INTS2: variants seen among roughly 807,000 people sequenced by gnomAD.
The protein encoded by INTS2 is KIAA1287.
INTS2 carries 57 observed loss-of-function variants against 139.6 expected under a neutral mutation model. That is an observed-to-expected ratio of 0.41 (90% CI 0.33 to 0.51). INTS2 has a LOEUF of 0.51. Ranked by LOEUF, INTS2 falls within the 20% of genes least tolerant of loss-of-function variation. INTS2 has a pLI of 0.28. For synonymous variants in INTS2, 473 were observed against 493.4 expected (o/e 0.96, Z 0.55); for missense variants, 1,196 against 1,436.7 (o/e 0.83, Z 2.71).
chr17:61,901,297 AT>A (rs2079402208), intron 9 of INTS2, among the ~76,000 whole-genome samples: 1 of 151,338 alleles, frequency 6.6e-6, no homozygotes, highest in Non-Finnish European at 1.5e-5. Context: ...AAATTTAAAA[AT>A]AATAATAAAT....
rs564676734 is a variant in INTS2 at position 61,907,696 on chromosome 17, G to T, written c.955-62C>A. ...GAAGCATTTACTAAACTAAAAGGGA[G>T]CTAAAACATAGCACCCCACTTAAAC... On this transcript the variant is annotated intron_variant, in intron 7 of 24. Coordinates refer to ENST00000251334, the MANE Select transcript of INTS2 (RefSeq NM_001351695.2). 2.3e-6 allele frequency: 3 copies of T among 1,331,958 alleles called. No homozygotes were observed. In the African/African-American group the frequency reaches 4.4e-5, roughly 19 times the overall value. The allele number at this position is 1,331,958 out of a possible 1,614,324, so 82.5% of individuals were successfully genotyped here. A position where few individuals can be genotyped will look rare whatever the true frequency, so the allele number is the denominator to read the frequency against.
intron 16 of INTS2, among the ~76,000 whole-genome samples, chr17:61,881,984 T>C (rs921108442): frequency 6.6e-6 from 1 of 152,218 alleles, no homozygotes; most frequent in African/African-American, 2.4e-5. Flanking sequence ...GACTATCATA[T>C]ATGGTTTGGA....
At chr17:61,926,116 T>C (rs1014624709) in intron 2 of INTS2, among the ~76,000 whole-genome samples, 20 of 152,176 alleles carry the variant, frequency 1.3e-4, no homozygotes, top group Admixed American at 1.0e-3. Context: ...CTGAAAGTAA[T>C]TGGCCTAATG....
intron 5 of INTS2, 55 bp from the exon 6 acceptor site, chr17:61,912,125 T>C (rs1450242678): frequency 6.4e-7 from 1 of 1,568,650 alleles, no homozygotes; most frequent in African/African-American, 1.4e-5. Flanking sequence ...TTCATGAAGA[T>C]TTCACATGAC....
At position 61,891,706 on chromosome 17, in the gene INTS2, T is replaced by G; in HGVS notation, c.1699-17A>C. On this transcript the variant is annotated splice_polypyrimidine_tract_variant and intron_variant, in intron 13 of 24. Coordinates refer to ENST00000251334, the MANE Select transcript of INTS2 (RefSeq NM_001351695.2). ...AATCCAATCCTAAGAAAGAATGTTA[T>G]AGACACTGAATTAATTGTGGCAAAA... 6.4e-7 allele frequency: 1 copy of G among 1,571,292 alleles called. No individual in the cohort carries two copies. Among genetic ancestry groups the G allele is most frequent in the Non-Finnish European group, 8.6e-7 (1 of 1,156,764 alleles).
intron 4 of INTS2, among the ~76,000 whole-genome samples, chr17:61,920,296 C>T (rs1329529635): frequency 6.6e-6 from 1 of 151,548 alleles, no homozygotes; most frequent in Non-Finnish European, 1.5e-5. Flanking sequence ...ATTCTCCTGC[C>T]TCAGCCGCCC....
rs566238117 is a variant in INTS2 at position 61,887,025 on chromosome 17, G to A, written c.1985-2020C>T. ...GAAGGCAGTTAAAACAATAGTTATA[G>A]GTTCCAGAAAGAGATAAATCCTGGT... On this transcript the variant is annotated intron_variant, in intron 15 of 24. Coordinates refer to ENST00000251334, the MANE Select transcript of INTS2 (RefSeq NM_001351695.2). 8.5e-5 allele frequency among the ~76,000 whole-genome samples: 13 copies of A among 152,230 alleles called. No individual in the cohort carries two copies. In the South Asian group the frequency reaches 2.7e-3, roughly 32 times the overall value.
chr17:61,903,559 T>C (rs2079430408), intron 9 of INTS2, among the ~76,000 whole-genome samples: 1 of 151,428 alleles, frequency 6.6e-6, no homozygotes, highest in African/African-American at 2.4e-5. Flanking sequence ...TCAAAACATC[T>C]GGAGAGAAGA....
rs1283536353 is a variant in INTS2, at chr17:61,867,567, C to CT, written c.3580dup (p.Ser1194LysfsTer21). On this transcript the variant is annotated frameshift_variant, in exon 25 of 25. Transcript: ENST00000251334. LOFTEE classifies it high-confidence loss of function. The surrounding 1 kb of genome is among the most constrained non-coding windows in gnomAD (Gnocchi z 5.6). ...GTTTTAAATTTTGTTTTAAATTCCACTAACACTCATATTTATTATTTCAAT... is the reference window on the plus strand; with the variant it reads ...GTTTTAAATTTTGTTTTAAATTCCACTTAACACTCATATTTATTATTTCAAT... 6.3e-7 allele frequency: 1 copy of CT among 1,598,226 alleles called. No individual in the cohort carries two copies.
chr17:61,927,607 C>T (rs1423674191), intron 1 of INTS2, 47 bp downstream of exon 1: 1 of 1,269,980 alleles, frequency 7.9e-7, no homozygotes, highest in Non-Finnish European at 1.0e-6. Flanking sequence ...CAGGCTCCGA[C>T]ACGGACCTAG....
In INTS2 at chr17:61,919,457, T is replaced by A. The variant is rs761678194; in HGVS notation, c.592A>T (p.Asn198Tyr). ...DVAEALLHVRNGAWFLCLLVA... is the reference protein window; with the variant it reads ...DVAEALLHVRYGAWFLCLLVA... ...AAGAGACACAAGAACCAGGCACCAT[T>A]TCTAACATGTAGCAAAGCTTCAGCT... The change falls in exon 5 of 25, where the codon AAT (asparagine) becomes TAT (tyrosine). Residue 198 changes from asparagine to tyrosine, a missense_variant. Coordinates refer to ENST00000251334, the MANE Select transcript of INTS2 (RefSeq NM_001351695.2). The A allele has an allele frequency of 2.5e-6, 4 of 1,603,334 alleles. No homozygotes were observed. The Admixed American group carries it at 6.8e-5, about 27-fold the overall frequency.
chr17:61,922,670 G>C (rs2079659224), intron 3 of INTS2, among the ~76,000 whole-genome samples: 1 of 151,600 alleles, frequency 6.6e-6, no homozygotes, highest in East Asian at 1.9e-4. Flanking sequence ...ATAATGAAGA[G>C]TGCCAAACTA....
intron 17 of INTS2, among the ~76,000 whole-genome samples, chr17:61,879,937 T>C (rs1392493305): frequency 6.6e-6 from 1 of 152,252 alleles, no homozygotes; most frequent in African/African-American, 2.4e-5. Flanking sequence ...GGAAAGTTTA[T>C]AGGTGTTACA....
In INTS2 at chr17:61,919,452, A is replaced by C. The variant is rs1256332532; in HGVS notation, c.597T>G (p.Gly199=). 4.4e-6 allele frequency: 7 copies of C among 1,603,052 alleles called. No homozygotes were observed. The highest frequency in any genetic ancestry group is 6.0e-6 in the Non-Finnish European group (7 of 1,174,264). ...VAEALLHVRN[G]AWFLCLLVAN... ...CCACCAAGAGACACAAGAACCAGGC[A>C]CCATTTCTAACATGTAGCAAAGCTT... Residue 199 remains glycine, a synonymous_variant, in exon 5 of 25, where the codon GGT becomes GGG. Coordinates refer to ENST00000251334, the MANE Select transcript of INTS2 (RefSeq NM_001351695.2).
At chr17:61,901,700 C>T (rs568377985) in intron 9 of INTS2, among the ~76,000 whole-genome samples, 8 of 147,596 alleles carry the variant, frequency 5.4e-5, no homozygotes, top group Non-Finnish European at 1.2e-4. Flanking sequence ...CCCAGGTTCA[C>T]GCCATTCTCC....
At chr17:61,903,423 T>C (rs1603379473) in intron 9 of INTS2, among the ~76,000 whole-genome samples, 1 of 151,394 alleles carries the variant, frequency 6.6e-6, no homozygotes, top group Non-Finnish European at 1.5e-5. Flanking sequence ...GTCTCCAAAA[T>C]GATGGTGAAG....
At chr17:61,885,133 T>C in intron 15 of INTS2, 128 bp from the exon 16 acceptor site, 3 of 637,292 alleles carry the variant, frequency 4.7e-6, no homozygotes, top group East Asian at 2.7e-5. Flanking sequence ...GAATATAGCA[T>C]ATAAAAGATG....
rs1346255033 is a variant in INTS2, at chr17:61,865,987, G to C, written c.*1570C>G. 1 of 152,560 alleles carries C rather than the reference G, an allele frequency of 6.6e-6. No homozygotes were observed. Among genetic ancestry groups the C allele is most frequent in the Non-Finnish European group, 1.5e-5 (1 of 68,028 alleles). The allele number at this position is 152,560 out of a possible 1,614,324, so 9.5% of individuals were successfully genotyped here. ...ATTTTACAAAGGAAGAAAATGAGAT[G>C]TGACTATTTACTAGTGAAAAGGCTA... On this transcript the variant is annotated 3_prime_UTR_variant, in exon 25 of 25. Transcript: ENST00000251334. This position sits in a 1 kb window ranked among gnomAD's most constrained non-coding sequence, Gnocchi z 4.8.
intron 7 of INTS2, 75 bp downstream of exon 7, chr17:61,911,445 A>C: frequency 7.5e-7 from 1 of 1,326,438 alleles, no homozygotes; most frequent in Middle Eastern, 1.9e-4. Context: ...GACATCATTC[A>C]AAAAATGTTT....
Sources: gnomAD v4.1 joint callset for allele counts (sites outside exome capture counted in the v4.1 genomes callset) on GRCh38, gnomAD v4.1.1 for gene constraint, Gnocchi (gnomAD v3.1) non-coding constraint, MANE v1.5 for transcripts, NCBI Gene and HGNC (gene_info 2026-07-23, HGNC 2026-07-21) for gene names.